The following KLHL6 variants were observed in gnomAD, a reference collection of about 807,000 sequenced individuals.
The protein encoded by KLHL6 is kelch-like protein 6.
Under a neutral mutation model 58.6 loss-of-function variants are expected in KLHL6, and 41 were observed. That is an observed-to-expected ratio of 0.70 (90% CI 0.55 to 0.91). KLHL6 has a LOEUF of 0.91. Ranked by LOEUF, KLHL6 falls within the 40% of genes least tolerant of loss-of-function variation. KLHL6 has a pLI of 0.00. For missense variants in KLHL6, 714 were observed against 805.6 expected (o/e 0.89, Z 1.38); for synonymous variants, 338 against 322.7 (o/e 1.05, Z -0.51).
chr3:183,534,743 TTTAATAACATATC>T (rs969164579), intron 1 of KLHL6, among the ~76,000 whole-genome samples: 4 of 152,068 alleles, frequency 2.6e-5, no homozygotes, highest in Admixed American at 2.6e-4. Context: ...AAAAGTCAAC[TTTAATAACATATC>T]TTATTTAACC....
rs367914575 is a variant in KLHL6, at chr3:183,527,015, C to T, written c.459+830G>A. Among the ~76,000 whole-genome samples the T allele has an allele frequency of 5.9e-5, 9 of 151,936 alleles. No homozygotes were observed. The East Asian group carries it at 7.7e-4, about 13-fold the overall frequency. ...TTGGGAGGCTAGGGCAGGAGAATCG[C>T]TTAAACCCGGGAGGCAGAGGTTGCA... On this transcript the variant is annotated intron_variant, in intron 2 of 6. Coordinates refer to ENST00000341319, the MANE Select transcript of KLHL6 (RefSeq NM_130446.4).
chr3:183,549,996 A>G lies in KLHL6; in HGVS notation c.293+5365T>C, dbSNP rs138805617. On this transcript the variant is annotated intron_variant, in intron 1 of 6. Transcript: ENST00000341319. Reference sequence around the variant, plus strand: ...AGTGAAAACAAACAGTAAAAAACAAACAAAAACAGAAGAGTGGTTTTTTAA... The same window carrying G: ...AGTGAAAACAAACAGTAAAAAACAAGCAAAAACAGAAGAGTGGTTTTTTAA... Among the ~76,000 whole-genome samples the G allele has an allele frequency of 1.1e-4, 16 of 152,338 alleles. No homozygotes were observed. In the East Asian group the frequency reaches 3.1e-3, roughly 29 times the overall value.
chr3:183,499,438 C>A lies in KLHL6; in HGVS notation c.1147+152G>T. 1.7e-6 allele frequency: 1 copy of A among 598,558 alleles called. No homozygotes were observed. The highest frequency in any genetic ancestry group is 2.4e-5 in the South Asian group (1 of 42,114). 37.1% of individuals were successfully genotyped at this position (598,558 alleles called of 1,614,324 possible). The stretch of plus-strand genomic sequence containing the variant: ...TAGCAATGTACTCTCCAAGATAAGA[C>A]CACCTGAGCTCCTGGGTCCATATCC... On this transcript the variant is annotated intron_variant, in intron 4 of 6. Transcript: ENST00000341319. This position sits in a 1 kb window ranked among gnomAD's most constrained non-coding sequence, Gnocchi z 4.6.
Position 183,494,253 on chromosome 3 carries a change from C to T in KLHL6, c.1176G>A (p.Trp392Ter), listed in dbSNP as rs1383035021. Residue 392 changes from tryptophan to a stop codon, truncating the protein, a stop_gained, in exon 5 of 7, where the codon TGG becomes TGA. Coordinates refer to ENST00000341319, the MANE Select transcript of KLHL6 (RefSeq NM_130446.4). LOFTEE classifies it high-confidence loss of function. ...SGGKETQHDV[W>*]KYNSSINKWI... ...ACTTGTTGATCGAAGAATTATATTT[C>T]CAAACATCATGCTGTGTTTCTTTGC... 1 of 1,614,034 alleles carries T rather than the reference C, an allele frequency of 6.2e-7. No homozygotes were observed. The highest frequency in any genetic ancestry group is 8.5e-7 in the Non-Finnish European group (1 of 1,179,876).
chr3:183,551,936 T>G (rs1418151311), intron 1 of KLHL6: 1 of 151,844 alleles, frequency 6.6e-6, no homozygotes, highest in East Asian at 1.9e-4. Flanking sequence ...GAAGAGACAG[T>G]TCAACAAAAA....
chr3:183,512,445 G>A (rs1235004761), intron 2 of KLHL6, among the ~76,000 whole-genome samples: 1 of 151,924 alleles, frequency 6.6e-6, no homozygotes. Context: ...TGAAATATTT[G>A]CAGATAAAAT....
rs373304191 is a variant in KLHL6 at position 183,496,346 on chromosome 3, G to A, written c.1148-2065C>T. Among the ~76,000 whole-genome samples, 177 of 152,148 alleles carry A rather than the reference G, an allele frequency of 1.2e-3. 2 individuals are homozygous for A. Among genetic ancestry groups the A allele is most frequent in the African/African-American group, 3.6e-3 (151 of 41,504 alleles). ...ATTTAAATGACTAATAATAAAAATC[G>A]TTAGCAAGGATATAGAAAATGAGCA... On this transcript the variant is annotated intron_variant, in intron 4 of 6. Transcript: ENST00000341319.
intron 1 of KLHL6, among the ~76,000 whole-genome samples, chr3:183,528,994 G>A (rs2108686018): frequency 6.6e-6 from 1 of 152,284 alleles, no homozygotes; most frequent in South Asian, 2.1e-4. Context: ...CGTATCCTTT[G>A]CAGGGACATG....
chr3:183,508,765 T>C (rs529257158), intron 2 of KLHL6, among the ~76,000 whole-genome samples: 33 of 152,334 alleles, frequency 2.2e-4, no homozygotes, highest in African/African-American at 7.7e-4. Context: ...TAAATACATA[T>C]AATTCATTCA....
At chr3:183,544,172 A>G (rs1172056733) in intron 1 of KLHL6, among the ~76,000 whole-genome samples, 1 of 151,464 alleles carries the variant, frequency 6.6e-6, no homozygotes, top group Non-Finnish European at 1.5e-5. Context: ...TCAAAAAAAA[A>G]AAAAAAAAAA....
chr3:183,501,032 G>A (rs184333833), intron 3 of KLHL6, among the ~76,000 whole-genome samples: 85 of 152,352 alleles, frequency 5.6e-4, no homozygotes, highest in Admixed American at 2.3e-3. Context: ...GCCTGGTACA[G>A]TGAGTTCCGC....
intron 1 of KLHL6, among the ~76,000 whole-genome samples, chr3:183,548,389 C>T (rs1409553150): frequency 3.3e-5 from 5 of 152,168 alleles, no homozygotes; most frequent in African/African-American, 1.2e-4. Flanking sequence ...ATGACTGGCC[C>T]TTCCTTCATG....
intron 1 of KLHL6, among the ~76,000 whole-genome samples, chr3:183,531,446 T>TTTTTTTTG (rs1712158031): frequency 1.6e-5 from 2 of 124,440 alleles, no homozygotes; most frequent in African/African-American, 7.2e-5. Context: ...TGTCTGTGTT[T>TTTTTTTTG]TTTTTTTTTT....
In KLHL6 at chr3:183,546,366, C is replaced by A. The variant is rs568112206; in HGVS notation, c.293+8995G>T. 1.2e-3 allele frequency among the ~76,000 whole-genome samples: 182 copies of A among 152,314 alleles called. 1 individual carries two copies. Among genetic ancestry groups the A allele is most frequent in the African/African-American group, 3.8e-3 (158 of 41,576 alleles). On this transcript the variant is annotated intron_variant, in intron 1 of 6. Transcript: ENST00000341319. The stretch of plus-strand genomic sequence containing the variant: ...AGCCGTTGATATCAACAAGCCCAGT[C>A]GGAGGAAAGCCTGCTTGGGTGGAGG...
chr3:183,497,493 G>A (rs940879986), intron 4 of KLHL6, among the ~76,000 whole-genome samples: 12 of 152,162 alleles, frequency 7.9e-5, no homozygotes, highest in Non-Finnish European at 1.6e-4. Flanking sequence ...ATCCCTCCTG[G>A]GCACACAGCT....
intron 1 of KLHL6, among the ~76,000 whole-genome samples, chr3:183,542,731 A>G (rs11914887): frequency 0.11 from 16,750 of 152,144 alleles, 1,569 homozygotes; most frequent in African/African-American, 0.25. Flanking sequence ...CAATTTACTT[A>G]TCTCTCTGTC....
intron 2 of KLHL6, among the ~76,000 whole-genome samples, chr3:183,518,679 C>A (rs1478743427): frequency 6.6e-6 from 1 of 152,156 alleles, no homozygotes; most frequent in African/African-American, 2.4e-5. Context: ...AATAGACTTT[C>A]AGAACTTAAA....
At chr3:183,515,519 G>A (rs192186739) in intron 2 of KLHL6, among the ~76,000 whole-genome samples, 97 of 152,308 alleles carry the variant, frequency 6.4e-4, no homozygotes, top group Non-Finnish European at 1.2e-3. Flanking sequence ...CTGTACTCTA[G>A]CCTGGGTGAC....
At chr3:183,504,225 T>C (rs1394868020) in intron 3 of KLHL6, among the ~76,000 whole-genome samples, 3 of 152,340 alleles carry the variant, frequency 2.0e-5, no homozygotes, top group Middle Eastern at 6.8e-3. Flanking sequence ...TACCAGACAC[T>C]GTGCTAAGCG....
Sources: gnomAD v4.1 joint callset for allele counts (sites outside exome capture counted in the v4.1 genomes callset) on GRCh38, gnomAD v4.1.1 for gene constraint, Gnocchi (gnomAD v3.1) non-coding constraint, MANE v1.5 for transcripts, NCBI Gene and HGNC (gene_info 2026-07-23, HGNC 2026-07-21) for gene names.